Variants in MMD2 observed in about 807,000 individuals in gnomAD.
The protein encoded by MMD2 is monocyte to macrophage differentiation associated 2, also known as monocyte to macrophage differentiation factor 2.
Under a neutral mutation model 33.5 loss-of-function variants are expected in MMD2, and 30 were observed. The ratio of observed to expected loss-of-function variants is 0.90; its 90% CI spans 0.67 to 1.22. The LOEUF is 1.22. MMD2 is among the 50% of genes most tolerant of loss of function. The pLI, the probability that MMD2 is intolerant of heterozygous loss-of-function variation, is 0.00. For missense variants in MMD2, 364 were observed against 325.4 expected, an observed-to-expected ratio of 1.12 and a Z score of -0.91; for synonymous variants, 129 against 123.0, an observed-to-expected ratio of 1.05 and a Z score of -0.32.
At chr7:4,923,716 A>C (rs1785345185) in intron 2 of MMD2, among the ~76,000 whole-genome samples, 1 of 152,102 alleles carries the variant, frequency 6.6e-6, no homozygotes, top group Admixed American at 6.6e-5. Context: ...CAAAAGAGGG[A>C]ATCATGTGTT....
At chr7:4,951,065 T>C (rs565368973) in intron 1 of MMD2, among the ~76,000 whole-genome samples, 21 of 152,148 alleles carry the variant, frequency 1.4e-4, no homozygotes, top group African/African-American at 5.1e-4. Context: ...GAAGGGTTTG[T>C]AGGTCTAGGG....
At chr7:4,905,265 G>T (rs954654718), downstream of MMD2, among the ~76,000 whole-genome samples, 1 of 150,670 alleles carries the variant, frequency 6.6e-6, no homozygotes, top group Non-Finnish European at 1.5e-5. The surrounding 1 kb of genome is among the most constrained non-coding windows in gnomAD (Gnocchi z 5.0). Context: ...AGAGGAGGAG[G>T]AGGAGGAAGA....
chr7:4,940,092 T>G lies in MMD2; in HGVS notation c.48-14560A>C, dbSNP rs1395685527. On this transcript the variant is annotated intron_variant, in intron 1 of 6. Transcript: ENST00000401401. This position sits in a 1 kb window ranked among gnomAD's most constrained non-coding sequence, Gnocchi z 5.0. Reference sequence around the variant, plus strand: ...ACAGGCAGCGCAGGTCTGTTGAAGGTCCGATGACGCCAGGAGAGTGGCTGC... The same window carrying G: ...ACAGGCAGCGCAGGTCTGTTGAAGGGCCGATGACGCCAGGAGAGTGGCTGC... Among the ~76,000 whole-genome samples, 1 of 152,110 alleles carries G rather than the reference T, an allele frequency of 6.6e-6. No homozygotes were observed. Among genetic ancestry groups the G allele is most frequent in the Non-Finnish European group, 1.5e-5 (1 of 68,006 alleles).
At chr7:4,915,789 T>A (rs947520591) in intron 4 of MMD2, among the ~76,000 whole-genome samples, 1 of 151,810 alleles carries the variant, frequency 6.6e-6, no homozygotes, top group Non-Finnish European at 1.5e-5. Flanking sequence ...TTTTTCTGCA[T>A]AAAATAACTC....
the MMD2 span, among the ~76,000 whole-genome samples, chr7:4,893,842 T>C: frequency 6.6e-6 from 1 of 152,214 alleles, no homozygotes; most frequent in Non-Finnish European, 1.5e-5. Flanking sequence ...TAAACTGTCA[T>C]GATGCCAGTG....
At chr7:4,935,677 C>CAAAAAAAAAAAAAAAAAAAACAAAAAAA in intron 1 of MMD2, among the ~76,000 whole-genome samples, 1 of 86,308 alleles carries the variant, frequency 1.2e-5, no homozygotes, top group Non-Finnish European at 2.4e-5. Flanking sequence ...GACCCTGTCT[C>CAAAAAAAAAAAAAAAAAAAACAAAAAAA]AAAAAAAAAA....
chr7:4,954,520 C>A (rs80076271), intron 1 of MMD2, among the ~76,000 whole-genome samples: 7,610 of 151,994 alleles, frequency 0.05, 634 homozygotes, highest in African/African-American at 0.18. Flanking sequence ...CAGGCTCAAG[C>A]AAGCCTCCCA....
intron 1 of MMD2, among the ~76,000 whole-genome samples, chr7:4,935,240 C>A (rs539862647): frequency 6.2e-4 from 94 of 151,952 alleles, no homozygotes; most frequent in South Asian, 1.2e-3. Flanking sequence ...GTAGTCCCAG[C>A]TACTTCAGAG....
intron 4 of MMD2, among the ~76,000 whole-genome samples, chr7:4,912,713 G>C (rs1211593624): frequency 2.0e-5 from 3 of 151,876 alleles, no homozygotes; most frequent in Non-Finnish European, 2.9e-5. Context: ...TTCTTTTTTT[G>C]TTTGTTTTTT....
chr7:4,927,399 G>A (rs1167648447), intron 1 of MMD2, among the ~76,000 whole-genome samples: 1 of 152,082 alleles, frequency 6.6e-6, no homozygotes, highest in Non-Finnish European at 1.5e-5. Flanking sequence ...ACAAAAATTA[G>A]CTGGGAGTGG....
At chr7:4,939,666 A>G (rs1459683630) in intron 1 of MMD2, among the ~76,000 whole-genome samples, 1 of 152,180 alleles carries the variant, frequency 6.6e-6, no homozygotes, top group Non-Finnish European at 1.5e-5. Context: ...TTCAGAAGAA[A>G]TAAGGACACT....
intron 3 of MMD2, 78 bp downstream of exon 3, chr7:4,920,093 G>T: frequency 1.4e-6 from 2 of 1,459,152 alleles, no homozygotes; most frequent in Non-Finnish European, 9.2e-7. Flanking sequence ...CGGATATCCT[G>T]GTTCACCCCC....
chr7:4,910,206 G>C (rs554211564), intron 5 of MMD2, among the ~76,000 whole-genome samples: 1 of 152,296 alleles, frequency 6.6e-6, no homozygotes, highest in African/African-American at 2.4e-5. Flanking sequence ...TGGTGCCAGA[G>C]CAGGGATTAC....
the MMD2 span, among the ~76,000 whole-genome samples, chr7:4,898,634 C>T: frequency 1.3e-5 from 2 of 152,176 alleles, no homozygotes; most frequent in South Asian, 2.1e-4. Flanking sequence ...CAGTGGCTCC[C>T]GCCTGTAATT....
Position 4,940,206 on chromosome 7 carries a change from G to T in MMD2, c.48-14674C>A, listed in dbSNP as rs980726550. Reference sequence around the variant, plus strand: ...GCATCCTGACCTGGGTGCAGGGTCCGGCACACCCCAGCTCCCCCGGCTCGC... The same window carrying T: ...GCATCCTGACCTGGGTGCAGGGTCCTGCACACCCCAGCTCCCCCGGCTCGC... On this transcript the variant is annotated intron_variant, in intron 1 of 6. Transcript: ENST00000401401. This position sits in a 1 kb window ranked among gnomAD's most constrained non-coding sequence, Gnocchi z 5.0. 3.9e-5 allele frequency among the ~76,000 whole-genome samples: 6 copies of T among 152,046 alleles called. No individual in the cohort carries two copies. Among genetic ancestry groups the T allele is most frequent in the African/African-American group, 1.4e-4 (6 of 41,414 alleles).
At chr7:4,936,417 GC>G (rs1785743144) in intron 1 of MMD2, among the ~76,000 whole-genome samples, 1 of 152,038 alleles carries the variant, frequency 6.6e-6, no homozygotes, top group African/African-American at 2.4e-5. Context: ...AGAAGACTTT[GC>G]CCCCCTCCCT....
intron 1 of MMD2, among the ~76,000 whole-genome samples, chr7:4,956,932 G>A (rs369508030): frequency 3.1e-4 from 47 of 152,148 alleles, no homozygotes; most frequent in African/African-American, 9.4e-4. Context: ...TTGGGAGGCC[G>A]AGGTGAGAGG....
At chr7:4,943,230 C>T (rs1232885876) in intron 1 of MMD2, among the ~76,000 whole-genome samples, 4 of 151,082 alleles carry the variant, frequency 2.6e-5, no homozygotes, top group Non-Finnish European at 4.4e-5. Flanking sequence ...AGGCTGGTCT[C>T]AAACTCCTGA....
At chr7:4,935,622 G>C (rs1785717889) in intron 1 of MMD2, among the ~76,000 whole-genome samples, 1 of 146,402 alleles carries the variant, frequency 6.8e-6, no homozygotes, top group South Asian at 2.2e-4. Context: ...AGGCTGCAGT[G>C]AGCCATGATT....
Sources: allele counts gnomAD v4.1 joint callset (sites outside exome capture counted in the v4.1 genomes callset), GRCh38; gene constraint gnomAD v4.1.1; non-coding constraint Gnocchi (gnomAD v3.1); transcripts MANE v1.5; gene names NCBI Gene and HGNC (gene_info 2026-07-23, HGNC 2026-07-21).